Variants in RORA observed in about 807,000 individuals in gnomAD.
RORA encodes the protein nuclear receptor ROR-alpha.
Under a neutral mutation model 69.5 loss-of-function variants are expected in RORA, and 7 were observed. The ratio of observed to expected loss-of-function variants is 0.10; its 90% confidence interval spans 0.06 to 0.19. The LOEUF is 0.19. RORA is among the 10% of genes least tolerant of loss of function. The pLI, the probability that RORA is intolerant of heterozygous loss-of-function variation, is 1.00. For synonymous variants in RORA, 261 were observed against 240.8 expected (o/e 1.08, Z -0.78); for missense variants, 457 against 663.0 (o/e 0.69, Z 3.41).
At chr15:60,732,002 G>C (rs943516170) in intron 1 of RORA, among the ~76,000 whole-genome samples, 1 of 152,180 alleles carries the variant, frequency 6.6e-6, no homozygotes, top group Non-Finnish European at 1.5e-5. Flanking sequence ...CGAAGGGAGA[G>C]CATTGAGTAA....
intron 1 of RORA, among the ~76,000 whole-genome samples, chr15:60,781,280 G>A (rs758582858): frequency 9.2e-5 from 14 of 152,170 alleles, no homozygotes; most frequent in Non-Finnish European, 2.1e-4. Context: ...GGTTGGTGTT[G>A]AGGAATCCCC....
In RORA at chr15:60,624,471, C is replaced by CATATATATATATATATATATATAT. The variant is rs3053858; in HGVS notation, c.196+54162_196+54185dup. On this transcript the variant is annotated intron_variant, in intron 2 of 10. Transcript: ENST00000335670. Reference sequence around the variant, plus strand: ...GGAAGAGGTCCTCTTCCATTTGCTGCATATATATATATATATATATATATA... The same window carrying CATATATATATATATATATATATAT: ...GGAAGAGGTCCTCTTCCATTTGCTGCATATATATATATATATATATATATATATATATATATATATATATATATA... Among the ~76,000 whole-genome samples, 106 of 73,480 alleles carry CATATATATATATATATATATATAT rather than the reference C, an allele frequency of 1.4e-3. 1 individual carries two copies. The highest frequency in any genetic ancestry group is 3.3e-3 in the South Asian group (7 of 2,126). 48.2% of individuals were successfully genotyped at this position (73,480 alleles called of 152,430 possible). A position where few individuals can be genotyped will look rare whatever the true frequency, so the allele number is the denominator to read the frequency against.
intron 2 of RORA, among the ~76,000 whole-genome samples, chr15:60,620,790 G>T (rs771343195): frequency 6.6e-6 from 1 of 152,256 alleles, no homozygotes; most frequent in Non-Finnish European, 1.5e-5. Context: ...GTTAGTCCAA[G>T]GCACAGTTGC....
chr15:60,778,383 G>A (rs1241799849), intron 1 of RORA, among the ~76,000 whole-genome samples: 1 of 151,808 alleles, frequency 6.6e-6, no homozygotes, highest in African/African-American at 2.4e-5. Flanking sequence ...CCAAAGAGCC[G>A]TTGCCCCTTA....
At chr15:60,781,604 A>G (rs775178609) in intron 1 of RORA, among the ~76,000 whole-genome samples, 5 of 146,840 alleles carry the variant, frequency 3.4e-5, no homozygotes, top group Non-Finnish European at 6.0e-5. Context: ...GCCACAGTTC[A>G]GTGAGCCGAG....
At chr15:60,624,434 T>G (rs1397558531) in intron 2 of RORA, among the ~76,000 whole-genome samples, 2 of 134,740 alleles carry the variant, frequency 1.5e-5, no homozygotes, top group African/African-American at 5.7e-5. Context: ...TTAACCTCAT[T>G]ACCACATGTA....
chr15:60,839,758 C>T (rs538695625), intron 1 of RORA, among the ~76,000 whole-genome samples: 13 of 152,156 alleles, frequency 8.5e-5, no homozygotes, highest in Admixed American at 2.0e-4. Flanking sequence ...GACACAGTGG[C>T]CCTGTCCTGT....
intron 1 of RORA, among the ~76,000 whole-genome samples, chr15:60,945,664 G>A (rs139208877): frequency 8.9e-4 from 136 of 152,332 alleles, no homozygotes; most frequent in African/African-American, 3.1e-3. Context: ...AGACAAAACT[G>A]TACTTTGGAA....
chr15:61,167,016 G>C (rs1596040721), intron 1 of RORA, among the ~76,000 whole-genome samples: 1 of 152,154 alleles, frequency 6.6e-6, no homozygotes. Flanking sequence ...AGAAGTTGTA[G>C]TTGCCAGATG....
chr15:61,151,904 C>T (rs1360242513), intron 1 of RORA, among the ~76,000 whole-genome samples: 7 of 152,122 alleles, frequency 4.6e-5, no homozygotes. Flanking sequence ...TCACTATTAG[C>T]ACATGGTTTG....
At chr15:61,053,807 C>T (rs554529410) in intron 1 of RORA, among the ~76,000 whole-genome samples, 2 of 115,156 alleles carry the variant, frequency 1.7e-5, no homozygotes, top group South Asian at 3.2e-4. Context: ...AAATGTGCTC[C>T]GTTAAGAATC....
At chr15:61,023,673 T>C (rs1895656043) in intron 1 of RORA, among the ~76,000 whole-genome samples, 1 of 152,194 alleles carries the variant, frequency 6.6e-6, no homozygotes, top group Admixed American at 6.5e-5. Flanking sequence ...GCTGCAGTGT[T>C]CCAGGTAACA....
chr15:60,608,715 TCTTTCTTTCTGTTCATACA>T (rs1414046927), intron 2 of RORA, among the ~76,000 whole-genome samples: 1 of 152,224 alleles, frequency 6.6e-6, no homozygotes, highest in Admixed American at 6.5e-5. Context: ...ACCACTTCTA[TCTTTCTTTCTGTTCATACA>T]CTTTTTATAT....
At chr15:60,548,600 A>G (rs140226472) in intron 2 of RORA, among the ~76,000 whole-genome samples, 4 of 152,328 alleles carry the variant, frequency 2.6e-5, no homozygotes, top group Non-Finnish European at 4.4e-5. Context: ...GGCACGAAGT[A>G]TAACTACTAC....
chr15:60,967,781 A>C (rs1266374945), intron 1 of RORA, among the ~76,000 whole-genome samples: 1 of 152,214 alleles, frequency 6.6e-6, no homozygotes, highest in Non-Finnish European at 1.5e-5. Flanking sequence ...CTAATCAGCT[A>C]TCATCCAGTC....
intron 1 of RORA, among the ~76,000 whole-genome samples, chr15:61,050,802 A>G (rs1186053622): frequency 1.3e-5 from 2 of 152,218 alleles, no homozygotes; most frequent in African/African-American, 4.8e-5. Flanking sequence ...TTTAATTCTT[A>G]TCATAATGAA....
chr15:60,879,527 A>G (rs1044125489), intron 1 of RORA, among the ~76,000 whole-genome samples: 2 of 152,226 alleles, frequency 1.3e-5, no homozygotes, highest in Non-Finnish European at 2.9e-5. Flanking sequence ...GATACTCTAA[A>G]CATCTAATTA....
chr15:60,839,035 C>T (rs1414879484), intron 1 of RORA, among the ~76,000 whole-genome samples: 1 of 151,976 alleles, frequency 6.6e-6, no homozygotes, highest in East Asian at 1.9e-4. Context: ...ACTACAGGCG[C>T]CCGCCACCAC....
chr15:61,119,718 T>C (rs1183116173), intron 1 of RORA, among the ~76,000 whole-genome samples: 1 of 152,188 alleles, frequency 6.6e-6, no homozygotes. Context: ...ACCACAGTTA[T>C]TCTTGTGGAT....
Sources: allele counts gnomAD v4.1 joint callset (sites outside exome capture counted in the v4.1 genomes callset), GRCh38; gene constraint gnomAD v4.1.1; transcripts MANE v1.5; gene names NCBI Gene and HGNC (gene_info 2026-07-23, HGNC 2026-07-21).